BCHE: variants seen among roughly 807,000 people sequenced by gnomAD.
The protein encoded by BCHE is butyrylcholinesterase.
In BCHE, 48 loss-of-function variants were observed where a neutral mutation model predicts 51.3. The observed-to-expected ratio is 0.94, with a 90% CI of 0.74 to 1.19. The LOEUF is 1.19. Among genes scored for constraint, BCHE ranks in the 50% most tolerant of loss-of-function variants. The pLI is 0.00. For synonymous variants in BCHE, 251 were observed against 238.0 expected, an observed-to-expected ratio of 1.05 and a Z score of -0.50; for missense variants, 847 against 708.2, an observed-to-expected ratio of 1.20 and a Z score of -2.23.
chr3:165,800,011 C>T (rs1713575286), intron 2 of BCHE, among the ~76,000 whole-genome samples: 1 of 43,474 alleles, frequency 2.3e-5, no homozygotes, highest in South Asian at 9.3e-4. Flanking sequence ...AATTATTTCT[C>T]ATGGAACTAC....
At chr3:165,794,277 T>C (rs1713284862) in intron 2 of BCHE, among the ~76,000 whole-genome samples, 1 of 152,146 alleles carries the variant, frequency 6.6e-6, no homozygotes, top group Non-Finnish European at 1.5e-5. Context: ...TTTTCTTTCA[T>C]GGTTTTCTAC....
At chr3:165,824,689 C>T (rs891312455) in intron 2 of BCHE, among the ~76,000 whole-genome samples, 1 of 151,932 alleles carries the variant, frequency 6.6e-6, no homozygotes, top group Non-Finnish European at 1.5e-5. Context: ...GTGAAATTAG[C>T]AAGCTTGCAT....
chr3:165,826,383 C>A (rs1032724340), intron 2 of BCHE, among the ~76,000 whole-genome samples: 1 of 151,822 alleles, frequency 6.6e-6, no homozygotes, highest in African/African-American at 2.4e-5. Context: ...GCAAAAGAAG[C>A]GAGACACAAG....
intron 2 of BCHE, among the ~76,000 whole-genome samples, chr3:165,805,629 A>G (rs1212862640): frequency 2.0e-5 from 3 of 152,206 alleles, no homozygotes; most frequent in Non-Finnish European, 4.4e-5. Context: ...TACAGCACAG[A>G]TGGATGATAG....
At chr3:165,834,969 C>A (rs1458102159) in intron 1 of BCHE, among the ~76,000 whole-genome samples, 1 of 151,704 alleles carries the variant, frequency 6.6e-6, no homozygotes, top group Middle Eastern at 3.2e-3. Context: ...AGCTGTGTAT[C>A]TGAATTTAGA....
intron 1 of BCHE, among the ~76,000 whole-genome samples, chr3:165,836,409 A>T (rs1293958952): frequency 6.6e-6 from 1 of 151,964 alleles, no homozygotes; most frequent in African/African-American, 2.4e-5. Context: ...CTCCTAATTG[A>T]GTTTATTATC....
intron 2 of BCHE, among the ~76,000 whole-genome samples, chr3:165,826,373 G>A (rs1271196538): frequency 6.6e-6 from 1 of 152,008 alleles, no homozygotes; most frequent in Non-Finnish European, 1.5e-5. Context: ...ATTATGCTGA[G>A]CAAAAGAAGC....
chr3:165,802,727 GTTTTGTTTTGT>G (rs990058887), intron 2 of BCHE, among the ~76,000 whole-genome samples: 9 of 150,660 alleles, frequency 6.0e-5, no homozygotes, highest in African/African-American at 2.0e-4. Context: ...ATGATTTTTT[GTTTTGTTTTGT>G]TTTTGTTTTG....
intron 3 of BCHE, among the ~76,000 whole-genome samples, chr3:165,781,098 A>C (rs1268192570): frequency 6.6e-6 from 1 of 152,024 alleles, no homozygotes; most frequent in Non-Finnish European, 1.5e-5. Context: ...AAAATTAGCC[A>C]GGCGTGGTGG....
chr3:165,817,214 TC>T (rs1385673364), intron 2 of BCHE, among the ~76,000 whole-genome samples: 1 of 152,042 alleles, frequency 6.6e-6, no homozygotes, highest in East Asian at 1.9e-4. Context: ...TGTCAGACCT[TC>T]CTTCAAAGTA....
At chr3:165,781,811 A>C (rs990484069) in intron 3 of BCHE, among the ~76,000 whole-genome samples, 3 of 152,178 alleles carry the variant, frequency 2.0e-5, no homozygotes, top group African/African-American at 7.2e-5. Context: ...TACATAAAAC[A>C]GTTAAAATCT....
rs137955709 is a variant in BCHE at position 165,801,634 on chromosome 3, A to C, written c.1518-15323T>G. Among the ~76,000 whole-genome samples, 465 of 152,324 alleles carry C rather than the reference A, an allele frequency of 3.1e-3. 1 individual carries two copies. The highest frequency in any genetic ancestry group is 0.01 in the African/African-American group (431 of 41,580). On this transcript the variant is annotated intron_variant, in intron 2 of 3. Coordinates refer to ENST00000264381, the MANE Select transcript of BCHE (RefSeq NM_000055.4). ...TTTACTTACTACACTGAGCATGGTA[A>C]CTTTATAAGAAACATGAGAAGTATT...
At chr3:165,823,076 C>A (rs960979622) in intron 2 of BCHE, among the ~76,000 whole-genome samples, 2 of 151,910 alleles carry the variant, frequency 1.3e-5, no homozygotes, top group Non-Finnish European at 2.9e-5. Context: ...AGAGGAAGAA[C>A]AAAACGAAGT....
chr3:165,832,451 C>T (rs1715025200), intron 1 of BCHE, among the ~76,000 whole-genome samples: 1 of 152,012 alleles, frequency 6.6e-6, no homozygotes, highest in Non-Finnish European at 1.5e-5. Flanking sequence ...TGGCACCACA[C>T]CCAGGTAATT....
intron 2 of BCHE, among the ~76,000 whole-genome samples, chr3:165,825,082 A>T (rs1035611731): frequency 1.3e-5 from 2 of 152,056 alleles, no homozygotes; most frequent in Non-Finnish European, 2.9e-5. Flanking sequence ...CAATTAAAAA[A>T]ATACTGTGTA....
At chr3:165,831,721 A>T (rs994284601) in intron 1 of BCHE, among the ~76,000 whole-genome samples, 1 of 152,182 alleles carries the variant, frequency 6.6e-6, no homozygotes, top group Non-Finnish European at 1.5e-5. Flanking sequence ...ACATGCTACC[A>T]CTAGTAAGGG....
intron 2 of BCHE, among the ~76,000 whole-genome samples, chr3:165,826,999 G>C (rs1256383953): frequency 6.6e-6 from 1 of 152,122 alleles, no homozygotes; most frequent in Non-Finnish European, 1.5e-5. Context: ...TGGGTAGAAA[G>C]AAAGGGGCCT....
chr3:165,778,517 G>T, intron 3 of BCHE: 1 of 240,616 alleles, frequency 4.2e-6, no homozygotes, highest in Non-Finnish European at 9.3e-6. Flanking sequence ...AAATTCTTTA[G>T]CATGATGCAC....
chr3:165,802,587 C>G (rs897823358), intron 2 of BCHE, among the ~76,000 whole-genome samples: 21 of 149,844 alleles, frequency 1.4e-4, no homozygotes, highest in African/African-American at 5.2e-4. Context: ...ATAGAATTTG[C>G]TGATGTGGAA....
Sources: gnomAD v4.1 joint callset for allele counts (sites outside exome capture counted in the v4.1 genomes callset) on GRCh38, gnomAD v4.1.1 for gene constraint, MANE v1.5 for transcripts, NCBI Gene and HGNC (gene_info 2026-07-23, HGNC 2026-07-21) for gene names.